Variants in PCDHGB2 observed in about 807,000 individuals in gnomAD.
The protein encoded by PCDHGB2 is protocadherin gamma-B2.
Under a neutral mutation model 59.3 loss-of-function variants are expected in PCDHGB2, and 55 were observed. The observed-to-expected ratio is 0.93, with a 90% CI of 0.75 to 1.16. The LOEUF (loss-of-function observed/expected upper bound fraction) is 1.16. Ranked by LOEUF, PCDHGB2 falls within the 50% of genes most tolerant of loss-of-function variation. The pLI is 0.00. For synonymous variants in PCDHGB2, 516 were observed against 512.0 expected (o/e 1.01, Z -0.11); for missense variants, 1,228 against 1,198.5 (o/e 1.02, Z -0.36).
chr5:141,458,054 T>G (rs2098935656), intron 1 of PCDHGB2, among the ~76,000 whole-genome samples: 1 of 152,252 alleles, frequency 6.6e-6, no homozygotes, highest in Admixed American at 6.5e-5. Context: ...GGATTCTTGC[T>G]GCACTGATGC....
At chr5:141,484,061 G>A (rs570687480) in intron 1 of PCDHGB2, among the ~76,000 whole-genome samples, 8 of 152,124 alleles carry the variant, frequency 5.3e-5, no homozygotes, top group Non-Finnish European at 1.0e-4. Context: ...CTGGGGCTAA[G>A]TGAAAAGCTT....
At chr5:141,464,558 A>G (rs1276921889) in intron 1 of PCDHGB2, among the ~76,000 whole-genome samples, 2 of 152,176 alleles carry the variant, frequency 1.3e-5, no homozygotes, top group Non-Finnish European at 2.9e-5. Context: ...CCCATCTTGC[A>G]TTCCTACAAA....
At chr5:141,460,616 TAGAC>T (rs533223594) in intron 1 of PCDHGB2, among the ~76,000 whole-genome samples, 44 of 152,232 alleles carry the variant, frequency 2.9e-4, no homozygotes, top group Middle Eastern at 3.4e-3. Context: ...GATGGATAGA[TAGAC>T]AGATACAGAT....
At chr5:141,422,716 G>A (rs1348237465) in intron 1 of PCDHGB2, 1 of 1,604,378 alleles carries the variant, frequency 6.2e-7, no homozygotes, top group Non-Finnish European at 8.5e-7. Flanking sequence ...GGATGACACT[G>A]TCCAGGGGGT....
intron 1 of PCDHGB2, chr5:141,420,034 C>T (rs373590502): frequency 7.8e-5 from 126 of 1,613,970 alleles, no homozygotes; most frequent in Non-Finnish European, 9.3e-5. Context: ...CTGCAGGAGA[C>T]TGCTTTGAGT....
intron 1 of PCDHGB2, chr5:141,383,343 T>TG (rs760440635): frequency 1.2e-6 from 2 of 1,613,888 alleles, no homozygotes; most frequent in Non-Finnish European, 1.7e-6. Flanking sequence ...ATACAGCTCC[T>TG]GGGGTTCGGT....
chr5:141,410,710 CAT>C lies in PCDHGB2; in HGVS notation c.2421+48157_2421+48158del, dbSNP rs140431021. 1.9e-3 allele frequency: 2,785 copies of C among 1,444,504 alleles called. 45 individuals are homozygous for C. In the African/African-American group the frequency reaches 0.033, roughly 17 times the overall value. The allele number at this position is 1,444,504 out of a possible 1,614,324, so 89.5% of individuals were successfully genotyped here. On this transcript the variant is annotated intron_variant, in intron 1 of 3. Coordinates refer to ENST00000522605, the MANE Select transcript of PCDHGB2 (RefSeq NM_018923.3). ...ACTACTTTATTTTCATATCTAGAATCATATGTTTAAAATCCATAGCTTTTTAC... is the reference window on the plus strand; with the variant it reads ...ACTACTTTATTTTCATATCTAGAATCATGTTTAAAATCCATAGCTTTTTAC...
intron 2 of PCDHGB2, among the ~76,000 whole-genome samples, chr5:141,496,189 G>T (rs1362938002): frequency 1.3e-5 from 2 of 152,004 alleles, no homozygotes; most frequent in African/African-American, 4.8e-5. Context: ...AGCCCCAGCT[G>T]CTCATTTCAA....
intron 1 of PCDHGB2, chr5:141,433,078 C>A (rs947684072): frequency 2.5e-5 from 40 of 1,614,144 alleles, no homozygotes; most frequent in Non-Finnish European, 3.3e-5. Context: ...TCCCCCAGCC[C>A]AACTATGCAG....
At chr5:141,404,167 G>A (rs2094493296) in intron 1 of PCDHGB2, 1 of 1,612,946 alleles carries the variant, frequency 6.2e-7, no homozygotes, top group South Asian at 1.1e-5. Flanking sequence ...ACAGATTGTT[G>A]ACGGCCCAAA....
intron 1 of PCDHGB2, chr5:141,366,110 G>A (rs780243212): frequency 1.9e-6 from 3 of 1,614,230 alleles, no homozygotes; most frequent in South Asian, 1.1e-5. Flanking sequence ...GGTGGTAGCG[G>A]TGGACAAAGA....
At position 141,450,051 on chromosome 5, in the gene PCDHGB2, G is replaced by C. The variant is rs576363410; in HGVS notation, c.2422-44756G>C. ...AGACAGGGTCTCACTCTTTCGCCCA[G>C]GCTGGAATGCAGTGGTATGATCTTG... On this transcript the variant is annotated intron_variant, in intron 1 of 3. Coordinates refer to ENST00000522605, the MANE Select transcript of PCDHGB2 (RefSeq NM_018923.3). Among the ~76,000 whole-genome samples, 362 of 139,654 alleles carry C rather than the reference G, an allele frequency of 2.6e-3. 1 individual carries two copies. Among genetic ancestry groups the C allele is most frequent in the South Asian group, 5.5e-3 (25 of 4,506 alleles). 91.6% of individuals were successfully genotyped at this position (139,654 alleles called of 152,430 possible). A position where few individuals can be genotyped will look rare whatever the true frequency, so the allele number is the denominator to read the frequency against.
rs1421246315 is a variant in PCDHGB2 at position 141,491,880 on chromosome 5, G to A, written c.2422-2927G>A. The A allele has an allele frequency of 1.1e-5, 16 of 1,449,714 alleles. No homozygotes were observed. The highest frequency in any genetic ancestry group is 1.5e-5 in the Non-Finnish European group (16 of 1,096,892). 89.8% of individuals were successfully genotyped at this position (1,449,714 alleles called of 1,614,324 possible). A position where few individuals can be genotyped will look rare whatever the true frequency, so the allele number is the denominator to read the frequency against. ...GCGAAACCAGAGTGGCCGATTAAGGGATGGGGCTCCGAGCACCGGGGGTGG... is the reference window on the plus strand; with the variant it reads ...GCGAAACCAGAGTGGCCGATTAAGGAATGGGGCTCCGAGCACCGGGGGTGG... On this transcript the variant is annotated intron_variant, in intron 1 of 3. Coordinates refer to ENST00000522605, the MANE Select transcript of PCDHGB2 (RefSeq NM_018923.3). The surrounding 1 kb of genome is among the most constrained non-coding windows in gnomAD (Gnocchi z 6.9).
intron 1 of PCDHGB2, chr5:141,399,317 C>T (rs368407532): frequency 2.0e-5 from 33 of 1,613,814 alleles, no homozygotes; most frequent in Non-Finnish European, 2.8e-5. Flanking sequence ...TCCAAAAATT[C>T]GTATAAGTTG....
At chr5:141,394,739 C>G (rs377359689) in intron 1 of PCDHGB2, 1 of 1,613,390 alleles carries the variant, frequency 6.2e-7, no homozygotes, top group Non-Finnish European at 8.5e-7. Context: ...AGCAGAGCCT[C>G]GTGGTGGCCG....
intron 1 of PCDHGB2, chr5:141,421,945 A>T: frequency 2.5e-6 from 4 of 1,613,342 alleles, no homozygotes; most frequent in Non-Finnish European, 3.4e-6. Context: ...AAATGATCAC[A>T]TCCCAATGTT....
intron 1 of PCDHGB2, chr5:141,374,478 G>C (rs781173070): frequency 6.2e-7 from 1 of 1,611,820 alleles, no homozygotes; most frequent in African/African-American, 1.3e-5. Flanking sequence ...AATACACCCC[G>C]ATTCTTAAAG....
At chr5:141,434,609 G>A (rs189866750) in intron 1 of PCDHGB2, among the ~76,000 whole-genome samples, 11 of 152,064 alleles carry the variant, frequency 7.2e-5, no homozygotes, top group Non-Finnish European at 1.3e-4. Context: ...CTTTATTTCC[G>A]CCCATCTCTT....
At chr5:141,399,291 T>A in intron 1 of PCDHGB2, 1 of 1,613,954 alleles carries the variant, frequency 6.2e-7, no homozygotes, top group East Asian at 2.2e-5. Context: ...AAGTCCCTTT[T>A]AAGATTATCT....
Sources: gnomAD v4.1 joint callset for allele counts (sites outside exome capture counted in the v4.1 genomes callset) on GRCh38, gnomAD v4.1.1 for gene constraint, Gnocchi (gnomAD v3.1) non-coding constraint, MANE v1.5 for transcripts, NCBI Gene and HGNC (gene_info 2026-07-23, HGNC 2026-07-21) for gene names.